PKHD1: variants seen among roughly 807,000 people sequenced by gnomAD.
The protein encoded by PKHD1 is fibrocystin.
PKHD1 carries 291 observed loss-of-function variants against 412.0 expected under a neutral mutation model. The observed-to-expected ratio is 0.71, with a 90% CI of 0.64 to 0.78. PKHD1 has a LOEUF of 0.78. Ranked by LOEUF, PKHD1 falls within the 30% of genes least tolerant of loss-of-function variation. The pLI is 0.00. For synonymous variants in PKHD1, 1,777 were observed against 1,821.5 expected (o/e 0.98, Z 0.62); for missense variants, 4,825 against 4,950.7 (o/e 0.97, Z 0.76).
At chr6:51,664,209 C>A (rs1581921922) in intron 60 of PKHD1, among the ~76,000 whole-genome samples, 2 of 152,196 alleles carry the variant, frequency 1.3e-5, no homozygotes, top group East Asian at 3.9e-4. Flanking sequence ...GGCTGGTCAC[C>A]CAAGCCATTT....
chr6:51,983,213 A>T (rs529032374), intron 35 of PKHD1, among the ~76,000 whole-genome samples: 7 of 152,366 alleles, frequency 4.6e-5, no homozygotes, highest in East Asian at 3.9e-4. Context: ...AAATTTTTTT[A>T]AATTTAATTT....
At position 51,621,225 on chromosome 6, in the gene PKHD1, G is replaced by A. The variant is rs1049510521; in HGVS notation, c.11786-1705C>T. On this transcript the variant is annotated intron_variant, in intron 66 of 66. Transcript: ENST00000371117. ...TTCAAGGAAGAAATGTTTGTGTGCC[G>A]TCAACCTTGCTCCCTCATTATGCCC... 6.6e-5 allele frequency among the ~76,000 whole-genome samples: 10 copies of A among 152,216 alleles called. No homozygotes were observed. In the South Asian group the frequency reaches 1.0e-3, roughly 16 times the overall value.
chr6:51,770,938 T>C (rs916540845), intron 55 of PKHD1, among the ~76,000 whole-genome samples: 2 of 152,040 alleles, frequency 1.3e-5, no homozygotes, highest in Non-Finnish European at 2.9e-5. Flanking sequence ...CACCCAATAA[T>C]GTGGGTGGGC....
intron 21 of PKHD1, 54 bp from the exon 22 acceptor site, chr6:52,050,349 G>A: frequency 6.3e-7 from 1 of 1,587,482 alleles, no homozygotes; most frequent in Non-Finnish European, 8.7e-7. Flanking sequence ...TAGACTTGCT[G>A]TGTGGAAAAT....
At chr6:51,642,611 G>A (rs1235034107) in intron 63 of PKHD1, among the ~76,000 whole-genome samples, 2 of 152,120 alleles carry the variant, frequency 1.3e-5, no homozygotes, top group African/African-American at 2.4e-5. Flanking sequence ...AGGCCAATAC[G>A]GGAGGATCAC....
intron 5 of PKHD1, among the ~76,000 whole-genome samples, chr6:52,077,334 A>G (rs553941725): frequency 5.9e-5 from 9 of 152,270 alleles, no homozygotes; most frequent in African/African-American, 2.2e-4. Flanking sequence ...AAGCTTAAGG[A>G]TGAACTGGCC....
At chr6:51,874,374 T>A (rs1453184904) in intron 46 of PKHD1, among the ~76,000 whole-genome samples, 1 of 152,222 alleles carries the variant, frequency 6.6e-6, no homozygotes, top group Non-Finnish European at 1.5e-5. Context: ...TATATCGTCA[T>A]GCTATATAGC....
chr6:51,662,357 C>A (rs1284603588), intron 60 of PKHD1, among the ~76,000 whole-genome samples: 3 of 151,816 alleles, frequency 2.0e-5, no homozygotes, highest in Admixed American at 1.3e-4. Context: ...CGCACACACA[C>A]ATACAAGTAA....
chr6:51,932,341 T>C (rs1028856599), intron 37 of PKHD1, among the ~76,000 whole-genome samples: 1 of 152,138 alleles, frequency 6.6e-6, no homozygotes, highest in African/African-American at 2.4e-5. Flanking sequence ...CAGAAGAAAA[T>C]AATTAGGAGA....
rs1045777247 is a variant in PKHD1 at position 51,886,050 on chromosome 6, A to T, written c.7110-78T>A. 5 of 887,604 alleles carry T rather than the reference A, an allele frequency of 5.6e-6. No homozygotes were observed. The African/African-American group carries it at 6.6e-5, about 12-fold the overall frequency. 55.0% of individuals were successfully genotyped at this position (887,604 alleles called of 1,614,324 possible). A position where few individuals can be genotyped will look rare whatever the true frequency, so the allele number is the denominator to read the frequency against. On this transcript the variant is annotated intron_variant, in intron 44 of 66. Coordinates refer to ENST00000371117, the MANE Select transcript of PKHD1 (RefSeq NM_138694.4). ...TACTTTTTCTTGTTGAAAAATACAA[A>T]GTAAAAGTAATGTATTAGGGAGAAT...
At chr6:51,861,910 A>G (rs1304153181) in intron 48 of PKHD1, among the ~76,000 whole-genome samples, 1 of 152,192 alleles carries the variant, frequency 6.6e-6, no homozygotes, top group Non-Finnish European at 1.5e-5. Flanking sequence ...ACCATATACC[A>G]TTGCATCTCT....
rs768012195 is a variant in PKHD1 at position 51,912,347 on chromosome 6, C to T, written c.6332+19G>A. ...CTCATCTTCTTCCATGTCAACTTAG[C>T]CAAGCTGACACTCAGTACCTCAAAG... On this transcript the variant is annotated intron_variant, in intron 38 of 66. Transcript: ENST00000371117. The T allele has an allele frequency of 6.5e-7, 1 of 1,534,090 alleles. No individual in the cohort carries two copies. Among genetic ancestry groups the T allele is most frequent in the Admixed American group, 1.7e-5 (1 of 59,780 alleles).
intron 52 of PKHD1, among the ~76,000 whole-genome samples, chr6:51,809,591 A>G (rs538701442): frequency 1.3e-5 from 2 of 152,108 alleles, no homozygotes; most frequent in East Asian, 1.9e-4. Flanking sequence ...GCTTACTTGA[A>G]TTTATAAATC....
intron 37 of PKHD1, among the ~76,000 whole-genome samples, chr6:51,929,532 T>G (rs894249340): frequency 2.6e-5 from 4 of 152,156 alleles, no homozygotes; most frequent in African/African-American, 4.8e-5. Context: ...TGGAGCACAA[T>G]GTGAAAACCA....
intron 60 of PKHD1, among the ~76,000 whole-genome samples, chr6:51,704,578 T>C (rs1431245787): frequency 6.6e-6 from 1 of 152,050 alleles, no homozygotes; most frequent in Non-Finnish European, 1.5e-5. Flanking sequence ...AGGATGGATT[T>C]AGCAGCTATT....
intron 53 of PKHD1, among the ~76,000 whole-genome samples, chr6:51,776,786 C>T (rs1200792360): frequency 6.6e-6 from 1 of 151,978 alleles, no homozygotes; most frequent in African/African-American, 2.4e-5. Flanking sequence ...CATAAAGACT[C>T]ATAAAGACAT....
rs5876250 is a variant in PKHD1 at position 52,028,519 on chromosome 6, AT to A, written c.3365-169del. On this transcript the variant is annotated intron_variant, in intron 29 of 66. Transcript: ENST00000371117. ...ATTTTTCAAGAAACTTCTAACAACT[AT>A]TTTTTTTTTTTTTTGAGACAGGTCT... 0.011 allele frequency among the ~76,000 whole-genome samples: 1,597 copies of A among 143,742 alleles called. 23 individuals are homozygous for A. The highest frequency in any genetic ancestry group is 0.034 in the African/African-American group (1,309 of 38,772). The allele number at this position is 143,742 out of a possible 152,430, so 94.3% of individuals were successfully genotyped here. A position where few individuals can be genotyped will look rare whatever the true frequency, so the allele number is the denominator to read the frequency against.
chr6:52,082,623 G>A (rs1812209100), intron 3 of PKHD1, 81 bp from the exon 4 acceptor site: 18 of 1,399,824 alleles, frequency 1.3e-5, no homozygotes, highest in Non-Finnish European at 1.7e-5. Flanking sequence ...AAGATCCTGG[G>A]GGTAATGTAA....
chr6:51,799,556 T>C (rs545566630), intron 52 of PKHD1, among the ~76,000 whole-genome samples: 1 of 152,334 alleles, frequency 6.6e-6, no homozygotes, highest in East Asian at 1.9e-4. Context: ...AAGAAAATTC[T>C]GCTAAAATAA....
Sources: gnomAD v4.1 joint callset for allele counts (sites outside exome capture counted in the v4.1 genomes callset) on GRCh38, gnomAD v4.1.1 for gene constraint, MANE v1.5 for transcripts, NCBI Gene and HGNC (gene_info 2026-07-23, HGNC 2026-07-21) for gene names.